Variants in TMEM255A observed in about 807,000 individuals in gnomAD.
TMEM255A encodes transmembrane protein 255A.
A neutral mutation model predicts 23.5 loss-of-function variants in TMEM255A; 14 were observed. That is an observed-to-expected ratio of 0.60 (90% CI 0.39 to 0.93). TMEM255A has a LOEUF of 0.93. Among genes scored for constraint, TMEM255A ranks in the 40% least tolerant of loss-of-function variants. TMEM255A has a pLI of 0.00. For missense variants in TMEM255A, 233 were observed against 261.7 expected, an observed-to-expected ratio of 0.89 and a Z score of 0.76; for synonymous variants, 104 against 100.3, an observed-to-expected ratio of 1.04 and a Z score of -0.22.
intron 7 of TMEM255A, among the ~76,000 whole-genome samples, chrX:120,270,943 T>C (rs782148312): frequency 4.1e-4 from 46 of 111,449 alleles, no homozygotes; most frequent in Middle Eastern, 9.3e-3. Flanking sequence ...GGTCTTATTT[T>C]AATAGAGTGA....
intron 5 of TMEM255A, chrX:120,285,617 A>G (rs368566268): frequency 2.7e-5 from 33 of 1,209,304 alleles, no homozygotes; most frequent in African/African-American, 1.9e-4. Context: ...TCTGAAGTAC[A>G]ATAGTACCTC....
At chrX:120,296,887 TATATGATATATATA>T (rs2057980410) in intron 2 of TMEM255A, among the ~76,000 whole-genome samples, 1 of 11,998 alleles carries the variant, frequency 8.3e-5, no homozygotes, top group African/African-American at 5.8e-4. Context: ...ATATATATTA[TATATGATATATATA>T]ATATTATATA....
chrX:120,310,451 C>T (rs781968956), intron 1 of TMEM255A, among the ~76,000 whole-genome samples: 53 of 111,818 alleles, frequency 4.7e-4, no homozygotes, highest in African/African-American at 1.6e-3. Flanking sequence ...GCCCCTCCCC[C>T]TCCATTCCGC....
At chrX:120,284,500 A>G (rs2057859283) in intron 6 of TMEM255A, among the ~76,000 whole-genome samples, 1 of 109,676 alleles carries the variant, frequency 9.1e-6, no homozygotes, top group African/African-American at 3.4e-5. Context: ...TGGCTACTCT[A>G]TCTAACATAC....
rs782679289 is a variant in TMEM255A, at chrX:120,259,265, C to A, written c.*1605G>T. The A allele has an allele frequency of 8.9e-6, 1 of 112,833 alleles. No individual in the cohort carries two copies. Among genetic ancestry groups the A allele is most frequent in the East Asian group, 2.8e-4 (1 of 3,618 alleles). The allele number at this position is 112,833 out of a possible 1,213,427, so 9.3% of individuals were successfully genotyped here. On this transcript the variant is annotated 3_prime_UTR_variant, in exon 9 of 9. Transcript: ENST00000371369. Reference sequence around the variant, plus strand: ...TAATATGCTCAGAACTGTAAAAAATCATAGTAATTTTGTATAACATAAAAG... The same window carrying A: ...TAATATGCTCAGAACTGTAAAAAATAATAGTAATTTTGTATAACATAAAAG...
At chrX:120,294,913 C>T (rs1242856812) in intron 2 of TMEM255A, among the ~76,000 whole-genome samples, 4 of 111,810 alleles carry the variant, frequency 3.6e-5, no homozygotes, top group African/African-American at 1.3e-4. Flanking sequence ...GGTTGACCCA[C>T]TGCAATTTAT....
In TMEM255A at chrX:120,294,143, G is replaced by T. The variant is rs1343513345; in HGVS notation, c.202-92C>A. 7.2e-6 allele frequency: 5 copies of T among 698,305 alleles called. No individual in the cohort carries two copies. The Admixed American group carries it at 1.1e-4, about 15-fold the overall frequency. 57.5% of individuals were successfully genotyped at this position (698,305 alleles called of 1,213,427 possible). A position where few individuals can be genotyped will look rare whatever the true frequency, so the allele number is the denominator to read the frequency against. On this transcript the variant is annotated intron_variant, in intron 2 of 8. Coordinates refer to ENST00000371369, the MANE Select transcript of TMEM255A (RefSeq NM_001104544.3). ...CCCCTTCATATGATTCAGGATAAAAGAAAAAACTGGGCCGGGCGCGGTGGC... is the reference window on the plus strand; with the variant it reads ...CCCCTTCATATGATTCAGGATAAAATAAAAAACTGGGCCGGGCGCGGTGGC...
At chrX:120,289,125 C>T (rs1241040497) in intron 4 of TMEM255A, among the ~76,000 whole-genome samples, 1 of 111,964 alleles carries the variant, frequency 8.9e-6, no homozygotes, top group African/African-American at 3.3e-5. Flanking sequence ...ATGTGCCTTT[C>T]ATTTAAGTTG....
At chrX:120,261,286 C>T (rs1181459522) in intron 8 of TMEM255A, among the ~76,000 whole-genome samples, 1 of 111,842 alleles carries the variant, frequency 8.9e-6, no homozygotes, top group East Asian at 2.8e-4. Flanking sequence ...AATCCTGTTG[C>T]TTCTACTTCT....
intron 3 of TMEM255A, among the ~76,000 whole-genome samples, chrX:120,293,246 A>G (rs1308640074): frequency 8.9e-6 from 1 of 112,113 alleles, no homozygotes; most frequent in East Asian, 2.8e-4. Flanking sequence ...TTGATTTACA[A>G]CTCTATAAAA....
intron 7 of TMEM255A, among the ~76,000 whole-genome samples, chrX:120,272,740 A>ATTTT (rs781928518): frequency 3.7e-5 from 3 of 80,975 alleles, no homozygotes; most frequent in Admixed American, 1.5e-4. Context: ...GTCTTGGGCT[A>ATTTT]TTTTTTTTTT....
intron 5 of TMEM255A, among the ~76,000 whole-genome samples, chrX:120,286,666 G>A (rs1377989492): frequency 1.8e-5 from 2 of 111,983 alleles, no homozygotes; most frequent in Non-Finnish European, 3.8e-5. Flanking sequence ...CCTCCCCAGA[G>A]CATAAAGGTG....
chrX:120,273,256 A>C (rs1423526310), intron 7 of TMEM255A: 1 of 246,141 alleles, frequency 4.1e-6, no homozygotes, highest in Non-Finnish European at 7.9e-6. Flanking sequence ...CAGAAGTTAA[A>C]AGGAAACAAC....
rs1392585829 is a variant in TMEM255A, at chrX:120,287,197, C to T, written c.380G>A (p.Arg127Gln). 13 of 1,210,301 alleles carry T rather than the reference C, an allele frequency of 1.1e-5. No individual in the cohort carries two copies. The highest frequency in any genetic ancestry group is 8.7e-5 in the Admixed American group (4 of 45,935). ...TGATGTCTTGGGAACATAATGGCAC[C>T]GGTTAGCGTAGAGTGGTTTCAGATC... Reference protein sequence around the residue: ...HIDLKPLYANRCHYVPKTSQK... With the variant: ...HIDLKPLYANQCHYVPKTSQK... The change falls in exon 5 of 9, where the codon CGG (arginine) becomes CAG (glutamine). Residue 127 changes from arginine (R) to glutamine (Q), a missense_variant. Coordinates refer to ENST00000371369, the MANE Select transcript of TMEM255A (RefSeq NM_001104544.3).
chrX:120,285,075 A>T, intron 6 of TMEM255A, 52 bp downstream of exon 6: 1 of 1,026,541 alleles, frequency 9.7e-7, no homozygotes, highest in Non-Finnish European at 1.4e-6. Flanking sequence ...CAGCCCTTCT[A>T]GTGTCCGTTG....
At chrX:120,264,526 CAA>C (rs1208645972) in intron 8 of TMEM255A, among the ~76,000 whole-genome samples, 2 of 111,088 alleles carry the variant, frequency 1.8e-5, no homozygotes, top group African/African-American at 6.6e-5. Flanking sequence ...GACAGCTACC[CAA>C]TAAGGGTATG....
chrX:120,254,944 G>A, downstream of TMEM255A: 2 of 1,211,954 alleles, frequency 1.7e-6, no homozygotes, highest in Non-Finnish European at 2.2e-6. Context: ...ACAAGCTTGC[G>A]GAGACATTTT....
In TMEM255A at chrX:120,273,656, A is replaced by T. The variant is rs114766914; in HGVS notation, c.675+3229T>A. The T allele has an allele frequency of 9.3e-3, 1,060 of 114,373 alleles. 16 individuals carry two copies. The highest frequency in any genetic ancestry group is 0.032 in the African/African-American group (991 of 31,105). 9.4% of individuals were successfully genotyped at this position (114,373 alleles called of 1,213,427 possible). A position where few individuals can be genotyped will look rare whatever the true frequency, so the allele number is the denominator to read the frequency against. ...ATATACATACAAATTGCACACAAAC[A>T]TATAAAAAGATGCCCAACATCACTG... On this transcript the variant is annotated intron_variant, in intron 7 of 8. Coordinates refer to ENST00000371369, the MANE Select transcript of TMEM255A (RefSeq NM_001104544.3).
At chrX:120,261,135 A>G (rs1189931291) in intron 8 of TMEM255A, 107 bp from the exon 9 acceptor site, 6 of 990,098 alleles carry the variant, frequency 6.1e-6, no homozygotes, top group Non-Finnish European at 8.0e-6. Context: ...TTCTATTTGG[A>G]AGAACAGAGA....
Sources: gnomAD v4.1 joint callset for allele counts (sites outside exome capture counted in the v4.1 genomes callset) on GRCh38, gnomAD v4.1.1 for gene constraint, MANE v1.5 for transcripts, NCBI Gene and HGNC (gene_info 2026-07-23, HGNC 2026-07-21) for gene names.